The following ATRIP variants were observed in gnomAD, a reference collection of about 807,000 sequenced individuals.
ATRIP encodes ATR interacting protein.
A neutral mutation model predicts 78.1 loss-of-function variants in ATRIP; 44 were observed. The observed-to-expected ratio is 0.56, with a 90% CI of 0.44 to 0.72. The LOEUF (loss-of-function observed/expected upper bound fraction) is 0.72, where lower values mean the gene tolerates loss of function less well. Ranked by LOEUF, ATRIP falls within the 30% of genes least tolerant of loss-of-function variation. The pLI, the probability that ATRIP is intolerant of heterozygous loss-of-function variation, is 0.00. For missense variants in ATRIP, 927 were observed against 980.2 expected (o/e 0.95, Z 0.72); for synonymous variants, 388 against 408.9 (o/e 0.95, Z 0.62).
rs779657943 is a variant in ATRIP, at chr3:48,449,770, C to CAAAAA, written c.248-250_248-246dup. Among the ~76,000 whole-genome samples, 6 of 43,304 alleles carry CAAAAA rather than the reference C, an allele frequency of 1.4e-4. 1 individual carries two copies. Among genetic ancestry groups the CAAAAA allele is most frequent in the African/African-American group, 3.1e-4 (4 of 13,002 alleles). The allele number at this position is 43,304 out of a possible 152,430, so 28.4% of individuals were successfully genotyped here. A position where few individuals can be genotyped will look rare whatever the true frequency, so the allele number is the denominator to read the frequency against. On this transcript the variant is annotated intron_variant, in intron 1 of 12. Coordinates refer to ENST00000320211, the MANE Select transcript of ATRIP (RefSeq NM_130384.3). Reference sequence around the variant, plus strand: ...GTGAAACGCCATCTCTACTAAAATCCAAAAAAAAAAAAAAAAAAAAAGCCA... The same window carrying CAAAAA: ...GTGAAACGCCATCTCTACTAAAATCCAAAAAAAAAAAAAAAAAAAAAAAAAAGCCA...
At position 48,463,451 on chromosome 3, in the gene ATRIP, C is replaced by A. The variant is rs1238454169; in HGVS notation, c.1746-294C>A. 2.0e-5 allele frequency among the ~76,000 whole-genome samples: 3 copies of A among 151,862 alleles called. No individual in the cohort carries two copies. In the East Asian group the frequency reaches 5.8e-4, roughly 29 times the overall value. Reference sequence around the variant, plus strand: ...TCCCTGTTTGGGAGCATGTGGAAGCCAGGCATCCCAGATCCAGGAGGTCAT... The same window carrying A: ...TCCCTGTTTGGGAGCATGTGGAAGCAAGGCATCCCAGATCCAGGAGGTCAT... On this transcript the variant is annotated intron_variant, in intron 8 of 12. Coordinates refer to ENST00000320211, the MANE Select transcript of ATRIP (RefSeq NM_130384.3).
In ATRIP at chr3:48,446,949, G is replaced by A. The variant is rs749317099; in HGVS notation, c.104G>A (p.Arg35Gln). 3 of 1,526,628 alleles carry A rather than the reference G, an allele frequency of 2.0e-6. No homozygotes were observed. Among genetic ancestry groups the A allele is most frequent in the East Asian group, 2.7e-5 (1 of 36,656 alleles). The allele number at this position is 1,526,628 out of a possible 1,614,324, so 94.6% of individuals were successfully genotyped here. Residue 35 changes from arginine to glutamine, a missense_variant, in exon 1 of 13, where the codon CGG becomes CAG. Physicochemically the swap from Arg to Gln is conservative, Grantham distance 43 (BLOSUM62 1). Coordinates refer to ENST00000320211, the MANE Select transcript of ATRIP (RefSeq NM_130384.3). Reference protein sequence around the residue: ...GTGHPPSKRARGFSAAAAPDP... With the variant: ...GTGHPPSKRAQGFSAAAAPDP... ...GGGCACCCCCCGAGCAAGCGGGCCCGGGGCTTCTCCGCAGCCGCTGCCCCG... is the reference window on the plus strand; with the variant it reads ...GGGCACCCCCCGAGCAAGCGGGCCCAGGGCTTCTCCGCAGCCGCTGCCCCG...
At chr3:48,452,256 A>G (rs1036590988) in intron 3 of ATRIP, among the ~76,000 whole-genome samples, 2 of 152,236 alleles carry the variant, frequency 1.3e-5, no homozygotes, top group Non-Finnish European at 2.9e-5. Flanking sequence ...GAACCGGGGT[A>G]TGCTGGGACC....
At chr3:48,447,132 C>G in intron 1 of ATRIP, 40 bp downstream of exon 1, 1 of 1,450,732 alleles carries the variant, frequency 6.9e-7, no homozygotes. Context: ...AGGGAGTTGT[C>G]AACCGCGCCA....
At position 48,456,879 on chromosome 3, in the gene ATRIP, G is replaced by C. The variant is rs556086900; in HGVS notation, c.672-380G>C. Among the ~76,000 whole-genome samples, 4 of 152,236 alleles carry C rather than the reference G, an allele frequency of 2.6e-5. No individual in the cohort carries two copies. In the East Asian group the frequency reaches 7.7e-4, roughly 29 times the overall value. On this transcript the variant is annotated intron_variant, in intron 4 of 12. Transcript: ENST00000320211. Reference sequence around the variant, plus strand: ...GATGATTAGAAAAATATAAAAATGAGTAAAAGAATTTTCAATAATTTGGAT... The same window carrying C: ...GATGATTAGAAAAATATAAAAATGACTAAAAGAATTTTCAATAATTTGGAT...
rs2040079070 is a variant in ATRIP, at chr3:48,460,633, A to C, written c.1579A>C (p.Arg527=). ...LSDGDMTSAL[R]GVADDQGQHP... ...TGATGGAGATATGACCTCAGCCCTA[A>C]GGGGGGTTGCTGATGACCAAGGACA... is the stretch of plus-strand genomic sequence containing the variant. Residue 527 remains arginine, a synonymous_variant, in exon 8 of 13, where the codon AGG becomes CGG. Transcript: ENST00000320211. 2.5e-6 allele frequency: 4 copies of C among 1,614,032 alleles called. No homozygotes were observed. In the South Asian group the frequency reaches 4.4e-5, roughly 18 times the overall value.
chr3:48,462,877 G>A (rs1220044031), intron 8 of ATRIP, among the ~76,000 whole-genome samples: 1 of 152,170 alleles, frequency 6.6e-6, no homozygotes, highest in African/African-American at 2.4e-5. Context: ...ACAAAGGGCT[G>A]CACACCCTGG....
Position 48,463,784 on chromosome 3 carries a change from C to T in ATRIP, c.1785C>T (p.Ser595=). The part of the protein sequence containing the change: ...CVFQVLPKCL[S]PETPLPSVLL... ...TCCAAGTGCTGCCAAAGTGCCTCAGCCCAGAGACACCCCTGCCTAGCGTGC... is the reference window on the plus strand; with the variant it reads ...TCCAAGTGCTGCCAAAGTGCCTCAGTCCAGAGACACCCCTGCCTAGCGTGC... The change falls in exon 9 of 13, where the codon AGC becomes AGT. Residue 595 remains serine (S), a synonymous_variant. Coordinates refer to ENST00000320211, the MANE Select transcript of ATRIP (RefSeq NM_130384.3). 3 of 1,614,164 alleles carry T rather than the reference C, an allele frequency of 1.9e-6. No individual in the cohort carries two copies. The highest frequency in any genetic ancestry group is 2.5e-6 in the Non-Finnish European group (3 of 1,180,014).
At chr3:48,456,062 G>A (rs1453524550) in intron 4 of ATRIP, among the ~76,000 whole-genome samples, 1 of 151,964 alleles carries the variant, frequency 6.6e-6, no homozygotes, top group Non-Finnish European at 1.5e-5. Flanking sequence ...AGAGGTTGCA[G>A]TGAGCCAGGA....
rs753504341 is a variant in ATRIP, at chr3:48,466,517, C to T, written c.*963C>T. On this transcript the variant is annotated 3_prime_UTR_variant, in exon 13 of 13. Transcript: ENST00000320211. ...TGGGCCCTGGAGCTCGCAGACAGGG[C>T]AGGATTGTGCAGGGAAGGCCTGAGA... 40 of 1,613,928 alleles carry T rather than the reference C, an allele frequency of 2.5e-5. No individual in the cohort carries two copies. The highest frequency in any genetic ancestry group is 3.3e-5 in the Non-Finnish European group (39 of 1,180,022).
At chr3:48,459,544 C>G in intron 6 of ATRIP, 90 bp downstream of exon 6, 1 of 1,349,028 alleles carries the variant, frequency 7.4e-7, no homozygotes, top group Non-Finnish European at 1.1e-6. Context: ...ACCGGTGCCC[C>G]GGGCAGTCCT....
At chr3:48,448,094 T>A (rs1033275310) in intron 1 of ATRIP, among the ~76,000 whole-genome samples, 55 of 151,746 alleles carry the variant, frequency 3.6e-4, no homozygotes, top group African/African-American at 1.3e-3. Flanking sequence ...AGGCTTCACA[T>A]CACATTCTGA....
chr3:48,466,745 G>T lies in ATRIP; in HGVS notation c.*1191G>T. On this transcript the variant is annotated 3_prime_UTR_variant, in exon 13 of 13. Coordinates refer to ENST00000320211, the MANE Select transcript of ATRIP (RefSeq NM_130384.3). ...CTGGCTTGCCCTTCTCCCAGCCCAA[G>T]GTCACGGAGCTGTGCCTGCTGGCTG... 1 of 1,613,990 alleles carries T rather than the reference G, an allele frequency of 6.2e-7. No homozygotes were observed. Among genetic ancestry groups the T allele is most frequent in the South Asian group, 1.1e-5 (1 of 91,088 alleles).
At chr3:48,459,691 C>A in intron 6 of ATRIP, 96 bp from the exon 7 acceptor site, 1 of 1,510,232 alleles carries the variant, frequency 6.6e-7, no homozygotes, top group Non-Finnish European at 9.0e-7. Context: ...GCCTAGAGGA[C>A]AGTTGGCATC....
chr3:48,464,619 C>A lies in ATRIP; in HGVS notation c.2012C>A (p.Pro671His), dbSNP rs986630610. 1 of 1,614,054 alleles carries A rather than the reference C, an allele frequency of 6.2e-7. No individual in the cohort carries two copies. Among genetic ancestry groups the A allele is most frequent in the Admixed American group, 1.7e-5 (1 of 59,996 alleles). ...WLLAKLGVQS[P>H]LPPVTGSNCQ... ...CTGGCTAAGCTTGGTGTGCAGAGCC[C>A]CTTGCCCCCAGTCACTGGCTCCAAC... The change falls in exon 11 of 13, where the codon CCC becomes CAC. Residue 671 changes from proline (P) to histidine (H), a missense_variant. Physicochemically the swap from Pro to His is moderately conservative, Grantham distance 77. Transcript: ENST00000320211.
chr3:48,467,182 G>A lies in ATRIP; in HGVS notation c.*1628G>A, dbSNP rs1464355841. The A allele has an allele frequency of 6.2e-7, 1 of 1,613,918 alleles. No individual in the cohort carries two copies. ...CCCTCAGAACACGGCCCAAGGAAGAGCTATAGCCTAGGCAGCATCTACACT... is the reference window on the plus strand; with the variant it reads ...CCCTCAGAACACGGCCCAAGGAAGAACTATAGCCTAGGCAGCATCTACACT... On this transcript the variant is annotated 3_prime_UTR_variant, in exon 13 of 13. Transcript: ENST00000320211.
intron 1 of ATRIP, chr3:48,447,543 ATTCT>A (rs1041020385): frequency 1.0e-6 from 1 of 986,512 alleles, no homozygotes; most frequent in African/African-American, 1.7e-5. Flanking sequence ...AAATAAATTT[ATTCT>A]TTTATACAAC....
chr3:48,446,987 C>T lies in ATRIP; in HGVS notation c.142C>T (p.Pro48Ser), dbSNP rs2039692904. 3 of 1,574,554 alleles carry T rather than the reference C, an allele frequency of 1.9e-6. No individual in the cohort carries two copies. Among genetic ancestry groups the T allele is most frequent in the Admixed American group, 1.8e-5 (1 of 54,706 alleles). The stretch of plus-strand genomic sequence containing the variant: ...AGCCGCTGCCCCGGACCCTGACGAC[C>T]CGTTCGGCGCGCATGGGGACTTCAC... The part of the protein sequence containing the change: ...SAAAAPDPDD[P>S]FGAHGDFTAD... Residue 48 changes from proline (P) to serine (S), a missense_variant, in exon 1 of 13, where the codon CCG (proline) becomes TCG (serine). Physicochemically the swap from Pro to Ser is moderately conservative, Grantham distance 74. Transcript: ENST00000320211.
In ATRIP at chr3:48,460,677, G is replaced by C. The variant is rs746958025; in HGVS notation, c.1623G>C (p.Met541Ile). Residue 541 changes from methionine (M) to isoleucine (I), a missense_variant, in exon 8 of 13, where the codon ATG becomes ATC. By Grantham distance (10) the Met-to-Ile change is conservative. Transcript: ENST00000320211. ...AAGGACAGCACCCACTGTTGAAGAT[G>C]CTTCTTCACCTGTTGGCTTTCTCTT... Reference protein sequence around the residue: ...DDQGQHPLLKMLLHLLAFSSA... With the variant: ...DDQGQHPLLKILLHLLAFSSA... 9 of 1,614,060 alleles carry C rather than the reference G, an allele frequency of 5.6e-6. No homozygotes were observed. The highest frequency in any genetic ancestry group is 1.6e-4 in the Middle Eastern group (1 of 6,084).
Sources: allele counts gnomAD v4.1 joint callset (sites outside exome capture counted in the v4.1 genomes callset), GRCh38; gene constraint gnomAD v4.1.1; transcripts MANE v1.5; gene names NCBI Gene and HGNC (gene_info 2026-07-23, HGNC 2026-07-21).